The following DRAM2 variants were observed in gnomAD, a reference collection of about 807,000 sequenced individuals.
The protein encoded by DRAM2 is DNA damage regulated autophagy modulator 2.
A neutral mutation model predicts 33.5 loss-of-function variants in DRAM2; 26 were observed. That is an observed-to-expected ratio of 0.78 (90% CI 0.57 to 1.08). DRAM2 has a LOEUF of 1.08. Among genes scored for constraint, DRAM2 ranks in the 50% least tolerant of loss-of-function variants. The pLI, the probability that DRAM2 is intolerant of heterozygous loss-of-function variation, is 0.00. For missense variants in DRAM2, 311 were observed against 318.1 expected, an observed-to-expected ratio of 0.98 and a Z score of 0.17; for synonymous variants, 98 against 109.5, an observed-to-expected ratio of 0.89 and a Z score of 0.66.
intron 3 of DRAM2, among the ~76,000 whole-genome samples, chr1:111,135,788 T>G (rs1483934858): frequency 1.3e-5 from 2 of 152,330 alleles, no homozygotes; most frequent in East Asian, 3.9e-4. Flanking sequence ...GACGGTGTCT[T>G]TAGGGAATAA....
rs1571036512 is a variant in DRAM2 at position 111,126,412 on chromosome 1, A to G, written c.132-118T>C. ...ACCTCTTATCTTTTATAAATCCATG[A>G]GTTCAACTCATATCATTTTATACAG... is the stretch of plus-strand genomic sequence containing the variant. On this transcript the variant is annotated intron_variant, in intron 4 of 9. Transcript: ENST00000484310. 3.0e-5 allele frequency: 18 copies of G among 600,094 alleles called. No homozygotes were observed. The East Asian group carries it at 4.8e-4, about 16-fold the overall frequency. The allele number at this position is 600,094 out of a possible 1,614,324, so 37.2% of individuals were successfully genotyped here.
At chr1:111,135,551 TAA>T (rs1248758610) in intron 3 of DRAM2, among the ~76,000 whole-genome samples, 2 of 152,220 alleles carry the variant, frequency 1.3e-5, no homozygotes, top group Non-Finnish European at 2.9e-5. Context: ...GGTGTATTGG[TAA>T]AAGAGATTTT....
At chr1:111,130,767 T>G (rs1281029314) in intron 4 of DRAM2, among the ~76,000 whole-genome samples, 1 of 146,352 alleles carries the variant, frequency 6.8e-6, no homozygotes, top group East Asian at 2.0e-4. Flanking sequence ...GAGGCTGAGG[T>G]GGGCAGATCA....
chr1:111,120,752 C>T, intron 6 of DRAM2, 59 bp from the exon 7 acceptor site: 1 of 1,399,322 alleles, frequency 7.1e-7, no homozygotes, highest in Non-Finnish European at 9.4e-7. Context: ...ATTGGCAACA[C>T]AACATTTAAA....
chr1:111,131,676 C>T (rs1437612628), intron 3 of DRAM2, 108 bp from the exon 4 acceptor site: 1 of 1,049,170 alleles, frequency 9.5e-7, no homozygotes, highest in African/African-American at 1.6e-5. Context: ...GCTGTTTCAC[C>T]TCTGAAATCA....
At chr1:111,129,836 C>T (rs559632872) in intron 4 of DRAM2, among the ~76,000 whole-genome samples, 1 of 151,692 alleles carries the variant, frequency 6.6e-6, no homozygotes, top group African/African-American at 2.4e-5. Context: ...TGAGAAAGAA[C>T]GAGAAAAAAA....
intron 4 of DRAM2, among the ~76,000 whole-genome samples, chr1:111,127,586 C>G (rs796135668): frequency 1.3e-5 from 2 of 152,222 alleles, no homozygotes; most frequent in African/African-American, 4.8e-5. Flanking sequence ...TGACCATCTT[C>G]AGGAGGAGGG....
chr1:111,129,332 C>T (rs1204774468), intron 4 of DRAM2, among the ~76,000 whole-genome samples: 1 of 152,154 alleles, frequency 6.6e-6, no homozygotes, highest in Non-Finnish European at 1.5e-5. Context: ...TCAAAAGCAT[C>T]ATATAGAGGC....
intron 3 of DRAM2, among the ~76,000 whole-genome samples, chr1:111,133,349 T>C (rs1652515088): frequency 6.6e-6 from 1 of 152,138 alleles, no homozygotes; most frequent in South Asian, 2.1e-4. Flanking sequence ...GGCTAATCTT[T>C]GTATTTTTAG....
In DRAM2 at chr1:111,137,166, T is replaced by C. The variant is rs976304701; in HGVS notation, c.-15+357A>G. Among the ~76,000 whole-genome samples the C allele has an allele frequency of 4.9e-5, 7 of 142,434 alleles. No homozygotes were observed. In the South Asian group the frequency reaches 1.1e-3, roughly 22 times the overall value. The allele number at this position is 142,434 out of a possible 152,430, so 93.4% of individuals were successfully genotyped here. ...TACTCGGGACGCTGAGGCAGGAGAA[T>C]GGTGTGAACCCCGGGGGGCGGAGCC... On this transcript the variant is annotated intron_variant, in intron 3 of 9. Transcript: ENST00000484310.
At chr1:111,130,592 C>G (rs543529014) in intron 4 of DRAM2, among the ~76,000 whole-genome samples, 1 of 151,166 alleles carries the variant, frequency 6.6e-6, no homozygotes, top group Non-Finnish European at 1.5e-5. Flanking sequence ...TCTAGTGACT[C>G]AGGAGGCTGA....
At chr1:111,129,286 A>C (rs921515308) in intron 4 of DRAM2, among the ~76,000 whole-genome samples, 1 of 152,224 alleles carries the variant, frequency 6.6e-6, no homozygotes, top group Non-Finnish European at 1.5e-5. Context: ...CAACAATAGC[A>C]ACAAAATTTG....
Position 111,128,711 on chromosome 1 carries a change from C to A in DRAM2, c.132-2417G>T, listed in dbSNP as rs572522203. ...ATTCAACGAAGTACTTGGCACCTGG[C>A]AAACTCAAGTTTTGGAACTTGATGG... is the stretch of plus-strand genomic sequence containing the variant. On this transcript the variant is annotated intron_variant, in intron 4 of 9. Coordinates refer to ENST00000484310, the MANE Select transcript of DRAM2 (RefSeq NM_001349884.2). Among the ~76,000 whole-genome samples the A allele has an allele frequency of 6.4e-4, 98 of 152,282 alleles. 1 individual carries two copies. Among genetic ancestry groups the A allele is most frequent in the South Asian group, 6.2e-4 (3 of 4,830 alleles).
At chr1:111,135,982 A>G (rs1362048120) in intron 3 of DRAM2, among the ~76,000 whole-genome samples, 1 of 152,188 alleles carries the variant, frequency 6.6e-6, no homozygotes, top group African/African-American at 2.4e-5. Context: ...ACTTCAGAGG[A>G]ATCTTAGGTT....
chr1:111,134,757 G>A (rs1423743324), intron 3 of DRAM2, among the ~76,000 whole-genome samples: 1 of 149,376 alleles, frequency 6.7e-6, no homozygotes, highest in Non-Finnish European at 1.5e-5. Context: ...TTACACATAT[G>A]TTTTACAGTT....
intron 3 of DRAM2, 103 bp from the exon 4 acceptor site, chr1:111,131,671 T>G: frequency 9.0e-7 from 1 of 1,111,854 alleles, no homozygotes; most frequent in Non-Finnish European, 1.3e-6. Flanking sequence ...CCCAAGCTGT[T>G]TCACCTCTGA....
rs1487735630 is a variant in DRAM2, at chr1:111,119,969, CA to C, written c.518-11del. On this transcript the variant is annotated splice_polypyrimidine_tract_variant and intron_variant, in intron 7 of 9. Transcript: ENST00000484310. ...GATGAGCAAGTCAGCACTATAAAAA[CA>C]TAAGTCAAGGAAGAATCTCAGAGAC... is the stretch of plus-strand genomic sequence containing the variant. 2 of 1,610,134 alleles carry C rather than the reference CA, an allele frequency of 1.2e-6. No homozygotes were observed. Among genetic ancestry groups the C allele is most frequent in the African/African-American group, 2.7e-5 (2 of 74,764 alleles).
In DRAM2 at chr1:111,118,139, C is replaced by G. The variant is rs1649276126; in HGVS notation, c.*21G>C. ...CAATCCCTGAGAATCATAATCATTA[C>G]AGAAATATTTTATCCTTTCATCAAA... On this transcript the variant is annotated 3_prime_UTR_variant, in exon 10 of 10. Transcript: ENST00000484310. The G allele has an allele frequency of 6.2e-7, 1 of 1,601,764 alleles. No homozygotes were observed. Among genetic ancestry groups the G allele is most frequent in the African/African-American group, 1.3e-5 (1 of 74,618 alleles).
At chr1:111,125,143 C>G (rs1343670721) in intron 5 of DRAM2, among the ~76,000 whole-genome samples, 1 of 152,176 alleles carries the variant, frequency 6.6e-6, no homozygotes, top group Non-Finnish European at 1.5e-5. Flanking sequence ...TCCCAGATAG[C>G]TGGGACTGTA....
Sources: allele counts gnomAD v4.1 joint callset (sites outside exome capture counted in the v4.1 genomes callset), GRCh38; gene constraint gnomAD v4.1.1; transcripts MANE v1.5; gene names NCBI Gene and HGNC (gene_info 2026-07-23, HGNC 2026-07-21).